Variants in CDX4 observed in about 807,000 individuals in gnomAD.
The protein encoded by CDX4 is caudal type homeobox 4.
CDX4 carries 11 observed loss-of-function variants against 14.1 expected under a neutral mutation model. The observed-to-expected ratio is 0.78, with a 90% CI of 0.49 to 1.29. The LOEUF (loss-of-function observed/expected upper bound fraction) is 1.29. Ranked by LOEUF, CDX4 falls within the 50% of genes most tolerant of loss-of-function variation. The probability of loss-of-function intolerance (pLI) is 0.00; values close to 1 mark genes in which losing one functional copy is unlikely to be tolerated. For missense variants in CDX4, 257 were observed against 237.4 expected (o/e 1.08, Z -0.54); for synonymous variants, 100 against 93.5 (o/e 1.07, Z -0.40).
chrX:73,447,775 G>A lies in CDX4; in HGVS notation c.502+20G>A. 1 of 1,151,543 alleles carries A rather than the reference G, an allele frequency of 8.7e-7. No individual in the cohort carries two copies. The allele number at this position is 1,151,543 out of a possible 1,213,427, so 94.9% of individuals were successfully genotyped here. On this transcript the variant is annotated intron_variant, in intron 1 of 2. Transcript: ENST00000373514. ...TGACGGGTGAGTAATCAATTCCAAT[G>A]CCCACACACTTTTCCTTCCTTCCCT... is the stretch of plus-strand genomic sequence containing the variant.
chrX:73,447,141 CT>C lies in CDX4; in HGVS notation c.-111del, dbSNP rs1487909229. On this transcript the variant is annotated 5_prime_UTR_variant, in exon 1 of 3. Coordinates refer to ENST00000373514, the MANE Select transcript of CDX4 (RefSeq NM_005193.2). ...GAGTAGCCTGAGGGGTGCAAAAGAG[CT>C]TGCGGCACAACTACGTACTGATAAG... is the stretch of plus-strand genomic sequence containing the variant. The C allele has an allele frequency of 1.1e-6, 1 of 886,439 alleles. No individual in the cohort carries two copies. Among genetic ancestry groups the C allele is most frequent in the Non-Finnish European group, 1.6e-6 (1 of 636,273 alleles). 73.1% of individuals were successfully genotyped at this position (886,439 alleles called of 1,213,427 possible).
intron 1 of CDX4, among the ~76,000 whole-genome samples, chrX:73,452,793 G>C (rs1206112670): frequency 9.0e-6 from 1 of 111,448 alleles, no homozygotes; most frequent in Admixed American, 9.5e-5. Flanking sequence ...TAACTATAAT[G>C]TTAGGATCCC....
chrX:73,447,894 C>T, intron 1 of CDX4, 139 bp downstream of exon 1: 1 of 682,615 alleles, frequency 1.5e-6, no homozygotes, highest in Non-Finnish European at 2.1e-6. Context: ...GCTGGCTGGC[C>T]TATTAGGCAT....
At chrX:73,450,212 G>A (rs186113423) in intron 1 of CDX4, among the ~76,000 whole-genome samples, 8 of 111,642 alleles carry the variant, frequency 7.2e-5, no homozygotes, top group East Asian at 2.8e-4. Context: ...ATTTCATAGC[G>A]ACCATTATAG....
chrX:73,452,836 G>C (rs1045548659), intron 1 of CDX4, among the ~76,000 whole-genome samples: 1 of 111,309 alleles, frequency 9.0e-6, no homozygotes, highest in Non-Finnish European at 1.9e-5. Flanking sequence ...CCATTATTAT[G>C]CGTCCCAGCA....
intron 1 of CDX4, among the ~76,000 whole-genome samples, chrX:73,450,274 GT>G (rs2057083083): frequency 8.9e-6 from 1 of 112,003 alleles, no homozygotes; most frequent in Admixed American, 9.4e-5. Context: ...GTAAATGACT[GT>G]TCCCTAAGTG....
intron 1 of CDX4, 120 bp downstream of exon 1, chrX:73,447,875 C>A (rs1297433732): frequency 2.4e-6 from 2 of 822,701 alleles, no homozygotes; most frequent in Non-Finnish European, 3.4e-6. Context: ...CTGAGGCGAC[C>A]CCTATATGGC....
chrX:73,453,320 G>C (rs2057095193), intron 1 of CDX4, among the ~76,000 whole-genome samples, 197 bp from the exon 2 acceptor site: 1 of 111,689 alleles, frequency 9.0e-6, no homozygotes, highest in South Asian at 3.8e-4. Context: ...ATGGTAGACA[G>C]AGATATTGCT....
chrX:73,447,141 C>A lies in CDX4; in HGVS notation c.-113C>A. On this transcript the variant is annotated 5_prime_UTR_variant, in exon 1 of 3. Coordinates refer to ENST00000373514, the MANE Select transcript of CDX4 (RefSeq NM_005193.2). ...GAGTAGCCTGAGGGGTGCAAAAGAGCTTGCGGCACAACTACGTACTGATAA... is the reference window on the plus strand; with the variant it reads ...GAGTAGCCTGAGGGGTGCAAAAGAGATTGCGGCACAACTACGTACTGATAA... The A allele has an allele frequency of 1.1e-6, 1 of 888,463 alleles. No homozygotes were observed. Among genetic ancestry groups the A allele is most frequent in the Non-Finnish European group, 1.6e-6 (1 of 636,637 alleles). 73.2% of individuals were successfully genotyped at this position (888,463 alleles called of 1,213,427 possible).
At chrX:73,453,781 G>A in intron 2 of CDX4, 119 bp downstream of exon 2, 2 of 532,556 alleles carry the variant, frequency 3.8e-6, no homozygotes, top group East Asian at 4.1e-5. Flanking sequence ...TTTCAACCAC[G>A]TGTGAAGGCA....
At position 73,447,183 on chromosome X, in the gene CDX4, T is replaced by C. The variant is rs2057072553; in HGVS notation, c.-71T>C. On this transcript the variant is annotated 5_prime_UTR_variant, in exon 1 of 3. Coordinates refer to ENST00000373514, the MANE Select transcript of CDX4 (RefSeq NM_005193.2). ...TACTGATAAGTTTATTCTCTGCTGC[T>C]TCTCAAAGTCGAGTTGGGGCCTTAC... 9.1e-7 allele frequency: 1 copy of C among 1,102,291 alleles called. No individual in the cohort carries two copies. The highest frequency in any genetic ancestry group is 1.8e-5 in the African/African-American group (1 of 54,089). 90.8% of individuals were successfully genotyped at this position (1,102,291 alleles called of 1,213,427 possible). A position where few individuals can be genotyped will look rare whatever the true frequency, so the allele number is the denominator to read the frequency against.
chrX:73,450,111 A>G (rs1008007522), intron 1 of CDX4, among the ~76,000 whole-genome samples: 1 of 112,268 alleles, frequency 8.9e-6, no homozygotes, highest in Non-Finnish European at 1.9e-5. Context: ...TGATTAAGGT[A>G]GTCAGATGAA....
At chrX:73,448,488 C>A (rs1000275802) in intron 1 of CDX4, among the ~76,000 whole-genome samples, 2 of 112,319 alleles carry the variant, frequency 1.8e-5, no homozygotes, top group African/African-American at 6.5e-5. Context: ...CCCTCACACC[C>A]GCCCGACACG....
At position 73,447,481 on chromosome X, in the gene CDX4, C is replaced by T; in HGVS notation, c.228C>T (p.Tyr76=). 2 of 1,211,867 alleles carry T rather than the reference C, an allele frequency of 1.7e-6. No homozygotes were observed. The highest frequency in any genetic ancestry group is 2.2e-6 in the Non-Finnish European group (2 of 895,424). The part of the protein sequence containing the change: ...WPSLGVWGSP[Y]SPPREDWSVY... ...CTCTGGGAGTCTGGGGCTCACCCTA[C>T]AGTCCCCCGCGAGAAGACTGGAGCG... The change falls in exon 1 of 3, where the codon TAC becomes TAT. Residue 76 remains tyrosine (Y), a synonymous_variant. Transcript: ENST00000373514.
At position 73,447,252 on chromosome X, in the gene CDX4, C is replaced by A. The variant is rs1381546555; in HGVS notation, c.-2C>A. ...TAGGGAGCGCCTTCTACCCAAGACA[C>A]GATGTACGGAAGCTGTCTTTTGGAG... On this transcript the variant is annotated 5_prime_UTR_variant, in exon 1 of 3. Transcript: ENST00000373514. 2 of 1,201,598 alleles carry A rather than the reference C, an allele frequency of 1.7e-6. No individual in the cohort carries two copies. The highest frequency in any genetic ancestry group is 3.0e-5 in the East Asian group (1 of 33,585).
chrX:73,450,274 G>C (rs969243081), intron 1 of CDX4, among the ~76,000 whole-genome samples: 1 of 112,003 alleles, frequency 8.9e-6, no homozygotes, highest in Admixed American at 9.4e-5. Flanking sequence ...GTAAATGACT[G>C]TTCCCTAAGT....
At position 73,454,531 on chromosome X, in the gene CDX4, T is replaced by C. The variant is rs1330135368; in HGVS notation, c.801T>C (p.Ser267=). 4 of 1,210,065 alleles carry C rather than the reference T, an allele frequency of 3.3e-6. No individual in the cohort carries two copies. The change falls in exon 3 of 3, where the codon TCT becomes TCC. Residue 267 remains serine (S), a synonymous_variant. Coordinates refer to ENST00000373514, the MANE Select transcript of CDX4 (RefSeq NM_005193.2). ...CTAACACTTTTTTCACCACACCATCTGCTGTTCGTGGATTTCAACCTATTG... is the reference window on the plus strand; with the variant it reads ...CTAACACTTTTTTCACCACACCATCCGCTGTTCGTGGATTTCAACCTATTG... ...ELPNTFFTTP[S]AVRGFQPIEI...
chrX:73,450,986 G>C (rs1183252379), intron 1 of CDX4, among the ~76,000 whole-genome samples: 1 of 111,228 alleles, frequency 9.0e-6, no homozygotes, highest in East Asian at 2.8e-4. Flanking sequence ...TGGTTGGGAG[G>C]ATGGGAAGGA....
Position 73,447,761 on chromosome X carries a change from T to A in CDX4, c.502+6T>A. ...CAAGACGGTGCAGGTGACGGGTGAG[T>A]AATCAATTCCAATGCCCACACACTT... On this transcript the variant is annotated splice_donor_region_variant and intron_variant, in intron 1 of 2. Coordinates refer to ENST00000373514, the MANE Select transcript of CDX4 (RefSeq NM_005193.2). 8.6e-7 allele frequency: 1 copy of A among 1,160,010 alleles called. No homozygotes were observed. The highest frequency in any genetic ancestry group is 1.1e-6 in the Non-Finnish European group (1 of 873,844).
Sources: gnomAD v4.1 joint callset for allele counts (sites outside exome capture counted in the v4.1 genomes callset) on GRCh38, gnomAD v4.1.1 for gene constraint, MANE v1.5 for transcripts, NCBI Gene and HGNC (gene_info 2026-07-23, HGNC 2026-07-21) for gene names.